The following ADGRV1 variants were observed in gnomAD, a reference collection of about 807,000 sequenced individuals.
ADGRV1 encodes adhesion G protein-coupled receptor V1.
ADGRV1 carries 359 observed loss-of-function variants against 596.2 expected under a neutral mutation model. The ratio of observed to expected loss-of-function variants is 0.60; its 90% CI spans 0.55 to 0.66. ADGRV1 has a LOEUF of 0.66. Among genes scored for constraint, ADGRV1 ranks in the 30% least tolerant of loss-of-function variants. The pLI is 0.00. For synonymous variants in ADGRV1, 2,681 were observed against 2,679.2 expected (o/e 1.00, Z -0.02); for missense variants, 7,274 against 7,575.6 (o/e 0.96, Z 1.48).
chr5:90,822,761 G>C (rs1418783948), intron 75 of ADGRV1, among the ~76,000 whole-genome samples: 2 of 152,142 alleles, frequency 1.3e-5, no homozygotes, highest in African/African-American at 4.8e-5. Context: ...CTACCCATAA[G>C]CATGGAATGT....
chr5:91,159,094 T>C (rs1286320963), intron 89 of ADGRV1, among the ~76,000 whole-genome samples: 1 of 152,186 alleles, frequency 6.6e-6, no homozygotes, highest in Non-Finnish European at 1.5e-5. Context: ...TAGAGAGAAT[T>C]TAATGTCAGA....
rs567051728 is a variant in ADGRV1, at chr5:90,721,666, A to G, written c.9748+607A>G. Among the ~76,000 whole-genome samples, 97 of 152,248 alleles carry G rather than the reference A, an allele frequency of 6.4e-4. 3 individuals carry two copies. Among genetic ancestry groups the G allele is most frequent in the African/African-American group, 2.2e-3 (93 of 41,558 alleles). On this transcript the variant is annotated intron_variant, in intron 45 of 89. Transcript: ENST00000405460. The stretch of plus-strand genomic sequence containing the variant: ...AATTTAGGGGATGGGGGTGACAGAA[A>G]TGAATCAAGTAAGTAAAAATCAATG...
At chr5:90,941,684 T>A (rs532380123) in intron 83 of ADGRV1, among the ~76,000 whole-genome samples, 2 of 152,330 alleles carry the variant, frequency 1.3e-5, no homozygotes, top group East Asian at 3.9e-4. Context: ...ATTTGAAGAT[T>A]CAGCAACTTT....
rs60957930 is a variant in ADGRV1, at chr5:91,104,860, C to CTTT, written c.18432+2535_18432+2537dup. Among the ~76,000 whole-genome samples the CTTT allele has an allele frequency of 1.4e-4, 18 of 125,986 alleles. 1 individual carries two copies. The highest frequency in any genetic ancestry group is 2.5e-4 in the South Asian group (1 of 3,934). 82.7% of individuals were successfully genotyped at this position (125,986 alleles called of 152,430 possible). A position where few individuals can be genotyped will look rare whatever the true frequency, so the allele number is the denominator to read the frequency against. ...CCTTTTCTTTTCTTTCTTTTCTTTT[C>CTTT]TTTTTTTTTTTTTTTTTGAGACAGA... On this transcript the variant is annotated intron_variant, in intron 87 of 89. Coordinates refer to ENST00000405460, the MANE Select transcript of ADGRV1 (RefSeq NM_032119.4).
At chr5:90,715,657 T>C (rs889800685) in intron 42 of ADGRV1, among the ~76,000 whole-genome samples, 3 of 20,306 alleles carry the variant, frequency 1.5e-4, no homozygotes, top group African/African-American at 8.0e-4. Context: ...CTACTTTTCT[T>C]TTTTTTTTTT....
intron 85 of ADGRV1, among the ~76,000 whole-genome samples, chr5:91,061,914 A>G (rs1402417655): frequency 6.6e-6 from 1 of 152,188 alleles, no homozygotes; most frequent in Non-Finnish European, 1.5e-5. Context: ...CTCACTAGCT[A>G]TGTTTTAACT....
chr5:90,666,218 A>T (rs1771348142), intron 21 of ADGRV1, among the ~76,000 whole-genome samples: 1 of 151,530 alleles, frequency 6.6e-6, no homozygotes, highest in Non-Finnish European at 1.5e-5. Flanking sequence ...GTGGGGTGTT[A>T]AAGTCTCCCA....
chr5:90,901,578 A>T (rs1016436913), intron 83 of ADGRV1, among the ~76,000 whole-genome samples: 1 of 152,166 alleles, frequency 6.6e-6, no homozygotes, highest in African/African-American at 2.4e-5. Context: ...GCATGTTAGC[A>T]ATTCTATCTC....
At chr5:90,668,756 A>G (rs527714532) in intron 21 of ADGRV1, among the ~76,000 whole-genome samples, 1 of 152,280 alleles carries the variant, frequency 6.6e-6, no homozygotes, top group Non-Finnish European at 1.5e-5. Context: ...ATAGCGTGTA[A>G]CTGTACATTC....
chr5:90,844,927 AT>A lies in ADGRV1; in HGVS notation c.17020-3709del, dbSNP rs1484809511. Among the ~76,000 whole-genome samples, 4 of 152,078 alleles carry A rather than the reference AT, an allele frequency of 2.6e-5. No homozygotes were observed. In the East Asian group the frequency reaches 7.7e-4, roughly 29 times the overall value. ...TTGTGGAGCCAGCCTGTTTCTTTTC[AT>A]CATATACTTTTTAATAACAGATACC... On this transcript the variant is annotated intron_variant, in intron 78 of 89. Coordinates refer to ENST00000405460, the MANE Select transcript of ADGRV1 (RefSeq NM_032119.4).
intron 11 of ADGRV1, among the ~76,000 whole-genome samples, chr5:90,640,337 A>G (rs1212591173): frequency 6.6e-6 from 1 of 152,216 alleles, no homozygotes; most frequent in Non-Finnish European, 1.5e-5. Flanking sequence ...TCCTGTGCAA[A>G]TGATATAGGT....
chr5:91,078,212 A>G (rs991078278), intron 86 of ADGRV1, among the ~76,000 whole-genome samples: 1 of 152,058 alleles, frequency 6.6e-6, no homozygotes, highest in Non-Finnish European at 1.5e-5. Flanking sequence ...TTATTATTAT[A>G]AAAATTATTG....
chr5:91,095,791 A>AT (rs201815530), intron 86 of ADGRV1, among the ~76,000 whole-genome samples: 19 of 150,320 alleles, frequency 1.3e-4, no homozygotes, highest in African/African-American at 1.9e-4. Context: ...TTTTATTTAA[A>AT]TTTTTTTTTT....
chr5:90,901,615 T>A (rs916446575), intron 83 of ADGRV1, among the ~76,000 whole-genome samples: 4 of 152,178 alleles, frequency 2.6e-5, no homozygotes, highest in African/African-American at 9.6e-5. Context: ...AATAATTTTT[T>A]AAAAATTAGT....
At chr5:90,589,176 G>A (rs1348530244) in intron 1 of ADGRV1, among the ~76,000 whole-genome samples, 1 of 152,062 alleles carries the variant, frequency 6.6e-6, no homozygotes, top group Non-Finnish European at 1.5e-5. Context: ...CTGCACGCTG[G>A]ACACATTGAT....
chr5:90,564,783 C>T (rs1755383089), intron 1 of ADGRV1, among the ~76,000 whole-genome samples: 1 of 90,618 alleles, frequency 1.1e-5, no homozygotes, highest in Admixed American at 9.0e-5. Flanking sequence ...CCCGCCACTG[C>T]GCCCGGCTAA....
In ADGRV1 at chr5:90,770,358, G is replaced by A. The variant is rs181892906; in HGVS notation, c.12286-3828G>A. On this transcript the variant is annotated intron_variant, in intron 59 of 89. Coordinates refer to ENST00000405460, the MANE Select transcript of ADGRV1 (RefSeq NM_032119.4). The stretch of plus-strand genomic sequence containing the variant: ...GTCCCTCCCATGACGTGGGGATTAT[G>A]GGAGCTACAATTCAAGATGAGATTT... Among the ~76,000 whole-genome samples the A allele has an allele frequency of 3.5e-3, 535 of 152,238 alleles. 3 individuals are homozygous for A. The highest frequency in any genetic ancestry group is 6.7e-3 in the Non-Finnish European group (455 of 68,000).
chr5:90,807,423 G>T (rs1340037427), intron 72 of ADGRV1, among the ~76,000 whole-genome samples, 179 bp from the exon 73 acceptor site: 1 of 152,150 alleles, frequency 6.6e-6, no homozygotes, highest in Non-Finnish European at 1.5e-5. Flanking sequence ...CCGAAAGCAA[G>T]ATTTGTGTGG....
At chr5:91,074,386 A>C (rs1788663491) in intron 86 of ADGRV1, among the ~76,000 whole-genome samples, 1 of 151,790 alleles carries the variant, frequency 6.6e-6, no homozygotes, top group Admixed American at 6.6e-5. Flanking sequence ...GTCTATATGT[A>C]CTCAATATTT....
Sources: allele counts gnomAD v4.1 joint callset (sites outside exome capture counted in the v4.1 genomes callset), GRCh38; gene constraint gnomAD v4.1.1; transcripts MANE v1.5; gene names NCBI Gene and HGNC (gene_info 2026-07-23, HGNC 2026-07-21).